The following CDH12 variants were observed in gnomAD, a reference collection of about 807,000 sequenced individuals.
CDH12 encodes cadherin-12.
In CDH12, 41 loss-of-function variants were observed where a neutral mutation model predicts 74.1. The observed-to-expected ratio is 0.55, with a 90% CI of 0.43 to 0.72. The LOEUF is 0.72. CDH12 is among the 30% of genes least tolerant of loss of function. The pLI, the probability that CDH12 is intolerant of heterozygous loss-of-function variation, is 0.00. For missense variants in CDH12, 945 were observed against 977.2 expected, an observed-to-expected ratio of 0.97 and a Z score of 0.44; for synonymous variants, 399 against 355.0, an observed-to-expected ratio of 1.12 and a Z score of -1.39.
At chr5:22,433,539 A>G (rs1463373975) in intron 2 of CDH12, among the ~76,000 whole-genome samples, 2 of 152,042 alleles carry the variant, frequency 1.3e-5, no homozygotes, top group Admixed American at 6.6e-5. Flanking sequence ...TAAATTAAAA[A>G]TTAGTAGAAT....
chr5:21,888,258 A>G (rs1432542063), intron 6 of CDH12, among the ~76,000 whole-genome samples: 1 of 152,164 alleles, frequency 6.6e-6, no homozygotes, highest in African/African-American at 2.4e-5. Flanking sequence ...ATGTACATTC[A>G]GATTATTAAA....
intron 1 of CDH12, among the ~76,000 whole-genome samples, chr5:22,520,579 A>C (rs1422098383): frequency 1.3e-5 from 2 of 152,148 alleles, no homozygotes; most frequent in Non-Finnish European, 2.9e-5. Context: ...AATACAGAAA[A>C]AAATAGGTAA....
At chr5:22,587,903 T>C (rs4541623) in intron 1 of CDH12, among the ~76,000 whole-genome samples, 1 of 148,582 alleles carries the variant, frequency 6.7e-6, no homozygotes, top group African/African-American at 2.4e-5. Flanking sequence ...ATATATATTG[T>C]GTGTGATATA....
intron 3 of CDH12, among the ~76,000 whole-genome samples, chr5:22,324,751 G>A (rs1739015266): frequency 6.6e-6 from 1 of 152,074 alleles, no homozygotes; most frequent in Admixed American, 6.6e-5. Flanking sequence ...AATTATTGCA[G>A]TGGCCTCTTC....
intron 4 of CDH12, chr5:22,152,485 G>A (rs1340103961): frequency 1.3e-5 from 2 of 152,084 alleles, no homozygotes; most frequent in African/African-American, 2.4e-5. Flanking sequence ...ATGATTACAT[G>A]TGTTCAATTG....
chr5:22,581,121 C>A (rs570961800), intron 1 of CDH12, among the ~76,000 whole-genome samples: 1 of 152,282 alleles, frequency 6.6e-6, no homozygotes, highest in South Asian at 2.1e-4. Flanking sequence ...CACAAGGAGT[C>A]AAATATGAAT....
chr5:22,615,125 A>G (rs888906268), intron 1 of CDH12, among the ~76,000 whole-genome samples: 1 of 152,122 alleles, frequency 6.6e-6, no homozygotes, highest in Admixed American at 6.6e-5. Context: ...ATAACTGCAG[A>G]TAAGGGTGTA....
At chr5:21,764,089 T>G (rs915848853) in intron 12 of CDH12, among the ~76,000 whole-genome samples, 3 of 151,990 alleles carry the variant, frequency 2.0e-5, no homozygotes, top group East Asian at 1.9e-4. Context: ...AATTTGTGTG[T>G]GGGGGCTGGG....
At chr5:22,229,697 A>G (rs1304123445) in intron 3 of CDH12, among the ~76,000 whole-genome samples, 1 of 151,958 alleles carries the variant, frequency 6.6e-6, no homozygotes, top group African/African-American at 2.4e-5. Context: ...AGGAACTTTG[A>G]TTTACCTCAA....
chr5:22,258,946 T>C (rs991130198), intron 3 of CDH12, among the ~76,000 whole-genome samples: 1 of 152,190 alleles, frequency 6.6e-6, no homozygotes. Flanking sequence ...CATGATTGTA[T>C]TGTAACATCA....
intron 1 of CDH12, among the ~76,000 whole-genome samples, chr5:22,827,999 G>T (rs1031678982): frequency 6.6e-6 from 1 of 152,084 alleles, no homozygotes; most frequent in Non-Finnish European, 1.5e-5. Flanking sequence ...ATGGGCATTT[G>T]TTCTAAAGTT....
At chr5:21,982,536 T>C (rs960159288) in intron 5 of CDH12, among the ~76,000 whole-genome samples, 1 of 151,788 alleles carries the variant, frequency 6.6e-6, no homozygotes, top group Non-Finnish European at 1.5e-5. Flanking sequence ...TCTATATCCA[T>C]ATATAGAGAT....
At chr5:22,697,814 G>A (rs553264393) in intron 1 of CDH12, among the ~76,000 whole-genome samples, 2 of 152,082 alleles carry the variant, frequency 1.3e-5, no homozygotes, top group African/African-American at 4.8e-5. Flanking sequence ...TCATATAACT[G>A]GTATTCTCAT....
At chr5:22,084,123 A>G (rs955721068) in intron 4 of CDH12, among the ~76,000 whole-genome samples, 1 of 152,118 alleles carries the variant, frequency 6.6e-6, no homozygotes, top group Admixed American at 6.6e-5. Context: ...AAATTCAGAA[A>G]GTGCTCCAAC....
At chr5:22,531,079 T>C (rs1737562744) in intron 1 of CDH12, among the ~76,000 whole-genome samples, 1 of 152,118 alleles carries the variant, frequency 6.6e-6, no homozygotes, top group South Asian at 2.1e-4. Context: ...AGAGAACTGT[T>C]CTCAAAATTT....
chr5:22,532,193 A>T (rs906696354), intron 1 of CDH12, among the ~76,000 whole-genome samples: 1 of 151,174 alleles, frequency 6.6e-6, no homozygotes, highest in South Asian at 2.1e-4. Flanking sequence ...GCACAGTTAC[A>T]CATGGACCTT....
chr5:22,226,063 CCA>C (rs1218178501), intron 3 of CDH12, among the ~76,000 whole-genome samples: 2 of 151,866 alleles, frequency 1.3e-5, no homozygotes, highest in Non-Finnish European at 2.9e-5. Flanking sequence ...AGCTACTTTC[CCA>C]CAGTCTTCCC....
intron 3 of CDH12, among the ~76,000 whole-genome samples, chr5:22,287,370 C>G (rs1737185616): frequency 1.3e-5 from 2 of 151,872 alleles, no homozygotes; most frequent in Admixed American, 1.3e-4. Context: ...ATATAAATGT[C>G]AATTTATATT....
intron 4 of CDH12, among the ~76,000 whole-genome samples, chr5:22,098,218 C>A (rs1043408797): frequency 4.6e-5 from 7 of 152,140 alleles, no homozygotes; most frequent in African/African-American, 1.7e-4. Context: ...TCAAAGACAG[C>A]CCCCATTACT....
Sources: allele counts gnomAD v4.1 joint callset (sites outside exome capture counted in the v4.1 genomes callset), GRCh38; gene constraint gnomAD v4.1.1; transcripts MANE v1.5; gene names NCBI Gene and HGNC (gene_info 2026-07-23, HGNC 2026-07-21).